The following GPX4 variants were observed in gnomAD, a reference collection of about 807,000 sequenced individuals.
The protein encoded by GPX4 is glutathione peroxidase 4, also known as phospholipid hydroperoxide glutathione peroxidase GPX4.
In GPX4, 28 loss-of-function variants were observed where a neutral mutation model predicts 27.8. The observed-to-expected ratio is 1.01, with a 90% CI of 0.75 to 1.38. GPX4 has a LOEUF of 1.38. Among genes scored for constraint, GPX4 ranks in the 40% most tolerant of loss-of-function variants. GPX4 has a pLI of 0.00. For synonymous variants in GPX4, 163 were observed against 107.8 expected, an observed-to-expected ratio of 1.51 and a Z score of -3.17; for missense variants, 357 against 274.1, an observed-to-expected ratio of 1.30 and a Z score of -2.14.
rs1040467710 is a variant in GPX4, at chr19:1,104,783, C to T, written c.85-403C>T. On this transcript the variant is annotated intron_variant, in intron 1 of 6. Transcript: ENST00000354171. Reference sequence around the variant, plus strand: ...CCCCGGGCGCCGCAGGCAGCGGTGCCAGAGCCGGGGCAGGCGGCGGCCGCG... The same window carrying T: ...CCCCGGGCGCCGCAGGCAGCGGTGCTAGAGCCGGGGCAGGCGGCGGCCGCG... The T allele has an allele frequency of 1.8e-5, 18 of 989,896 alleles. No individual in the cohort carries two copies. Among genetic ancestry groups the T allele is most frequent in the Middle Eastern group, 4.9e-4 (1 of 2,034 alleles). The allele number at this position is 989,896 out of a possible 1,614,324, so 61.3% of individuals were successfully genotyped here.
Position 1,105,214 on chromosome 19 carries a change from C to T in GPX4, c.113C>T (p.Ala38Val), listed in dbSNP as rs779416718. ...MCASRDDWRC[A>V]RSMHEFSAKD... Reference sequence around the variant, plus strand: ...GCGTCCCGGGACGACTGGCGCTGTGCGCGCTCCATGCACGAGTTTTCCGCC... The same window carrying T: ...GCGTCCCGGGACGACTGGCGCTGTGTGCGCTCCATGCACGAGTTTTCCGCC... Residue 38 changes from alanine (A) to valine (V), a missense_variant, in exon 2 of 7, where the codon GCG becomes GTG. Coordinates refer to ENST00000354171, the MANE Select transcript of GPX4 (RefSeq NM_002085.5). 3.7e-6 allele frequency: 6 copies of T among 1,612,966 alleles called. No individual in the cohort carries two copies. In the East Asian group the frequency reaches 1.1e-4, roughly 30 times the overall value.
At position 1,104,766 on chromosome 19, in the gene GPX4, G is replaced by A. The variant is rs889042141; in HGVS notation, c.85-420G>A. 8.1e-6 allele frequency: 8 copies of A among 986,962 alleles called. No individual in the cohort carries two copies. The African/African-American group carries it at 1.4e-4, about 17-fold the overall frequency. 61.1% of individuals were successfully genotyped at this position (986,962 alleles called of 1,614,324 possible). The stretch of plus-strand genomic sequence containing the variant: ...CGCGCGGGCGCAGGCTCCCCCGGGC[G>A]CCGCAGGCAGCGGTGCCAGAGCCGG... On this transcript the variant is annotated intron_variant, in intron 1 of 6. Coordinates refer to ENST00000354171, the MANE Select transcript of GPX4 (RefSeq NM_002085.5).
In GPX4 at chr19:1,105,407, G is replaced by C. The variant is rs1257403287; in HGVS notation, c.221G>C (p.Gly74Ala). 1 of 1,611,632 alleles carries C rather than the reference G, an allele frequency of 6.2e-7. No individual in the cohort carries two copies. Among genetic ancestry groups the C allele is most frequent in the Non-Finnish European group, 8.5e-7 (1 of 1,179,110 alleles). Residue 74 changes from glycine (G) to alanine (A), a missense_variant, in exon 3 of 7, where the codon GGC becomes GCC. Gly to Ala is a moderately conservative substitution (Grantham distance 60). Coordinates refer to ENST00000354171, the MANE Select transcript of GPX4 (RefSeq NM_002085.5). The stretch of plus-strand genomic sequence containing the variant: ...GTCACCAACGTGGCCTCCCAGTGAG[G>C]CAAGACCGAAGTAAACTACACTCAG... ...CIVTNVASQU[G>A]KTEVNYTQLV...
rs752733635 is a variant in GPX4, at chr19:1,106,542, G to T, written c.564G>T (p.Val188=). 1 of 1,613,334 alleles carries T rather than the reference G, an allele frequency of 6.2e-7. No individual in the cohort carries two copies. The highest frequency in any genetic ancestry group is 1.7e-5 in the Admixed American group (1 of 59,994). ...AACCCAGCTTTCCTCCCCGACAGGT[G>T]ATAGAGAAGGACCTGCCCCACTATT... ...KRYGPMEEPL[V]IEKDLPHYF is the part of the protein sequence containing the mutation. The change falls in exon 7 of 7, where the codon GTG becomes GTT. Residue 188 remains valine, a splice_region_variant and synonymous_variant. Transcript: ENST00000354171.
chr19:1,106,185 G>C, intron 4 of GPX4, 57 bp from the exon 5 acceptor site: 1 of 1,526,374 alleles, frequency 6.6e-7, no homozygotes. Flanking sequence ...AGACAGGACA[G>C]CTTGGGGACT....
At position 1,105,028 on chromosome 19, in the gene GPX4, A is replaced by AG. The variant is rs1353607521; in HGVS notation, c.85-153dup. ...CCGGTAAAACCGGACCAGAAGTACA[A>AG]GGGGGCGTGTGCGTTTAAGGAGGAG... On this transcript the variant is annotated intron_variant, in intron 1 of 6. Coordinates refer to ENST00000354171, the MANE Select transcript of GPX4 (RefSeq NM_002085.5). 1.3e-5 allele frequency: 19 copies of AG among 1,465,786 alleles called. No individual in the cohort carries two copies. In the African/African-American group the frequency reaches 1.7e-4, roughly 13 times the overall value. 90.8% of individuals were successfully genotyped at this position (1,465,786 alleles called of 1,614,324 possible).
At chr19:1,104,829 C>T in intron 1 of GPX4, 1 of 1,064,360 alleles carries the variant, frequency 9.4e-7, no homozygotes. Flanking sequence ...CGGCGGAAGG[C>T]CCCAGCGTGC....
intron 1 of GPX4, 92 bp from the exon 2 acceptor site, chr19:1,105,094 C>A: frequency 6.6e-7 from 1 of 1,509,068 alleles, no homozygotes; most frequent in East Asian, 2.4e-5. Flanking sequence ...TCGGTGTCCC[C>A]GCCACCGACC....
chr19:1,104,323 G>A (rs900152237), intron 1 of GPX4, 196 bp downstream of exon 1: 13 of 525,996 alleles, frequency 2.5e-5, no homozygotes, highest in Non-Finnish European at 3.8e-5. Context: ...GGCCCTCCAG[G>A]CCGTTGTAGG....
chr19:1,105,139 C>A, intron 1 of GPX4, 47 bp from the exon 2 acceptor site: 3 of 1,602,004 alleles, frequency 1.9e-6, no homozygotes, highest in Non-Finnish European at 2.6e-6. Context: ...GGGTCCCGGG[C>A]TCAGCCTCCC....
intron 1 of GPX4, 178 bp from the exon 2 acceptor site, chr19:1,105,008 A>T: frequency 6.8e-7 from 1 of 1,460,268 alleles, no homozygotes; most frequent in Non-Finnish European, 9.1e-7. Flanking sequence ...GGTCTCCGGT[A>T]AAACCGGACC....
chr19:1,105,532 G>A (rs1425439972), intron 3 of GPX4, 22 bp downstream of exon 3: 7 of 1,341,028 alleles, frequency 5.2e-6, no homozygotes, highest in Non-Finnish European at 7.2e-6. Context: ...CGTCCCCGGG[G>A]CCCGCAGAGG....
intron 4 of GPX4, 195 bp downstream of exon 4, chr19:1,106,004 G>A (rs1271615162): frequency 1.3e-6 from 1 of 759,976 alleles, no homozygotes; most frequent in East Asian, 2.7e-5. Flanking sequence ...GGCAGCCAGG[G>A]ATGCCCACAC....
intron 2 of GPX4, 26 bp downstream of exon 2, chr19:1,105,306 C>T (rs1393375428): frequency 1.2e-6 from 2 of 1,612,744 alleles, no homozygotes; most frequent in Non-Finnish European, 8.5e-7. Context: ...GGGTGGGGCG[C>T]GGGGTCGGGC....
rs377465360 is a variant in GPX4 at position 1,106,523 on chromosome 19, G to A, written c.562-17G>A. 1 of 1,612,666 alleles carries A rather than the reference G, an allele frequency of 6.2e-7. No individual in the cohort carries two copies. Among genetic ancestry groups the A allele is most frequent in the Non-Finnish European group, 8.5e-7 (1 of 1,179,340 alleles). On this transcript the variant is annotated splice_polypyrimidine_tract_variant and intron_variant, in intron 6 of 6. Transcript: ENST00000354171. ...CTTGGGAGGTAGCTGCCCTAACCCAGCTTTCCTCCCCGACAGGTGATAGAG... is the reference window on the plus strand; with the variant it reads ...CTTGGGAGGTAGCTGCCCTAACCCAACTTTCCTCCCCGACAGGTGATAGAG...
chr19:1,104,088 C>CTG lies in GPX4; in HGVS notation c.48_49dup (p.Gly17ValfsTer63). 3 of 1,513,058 alleles carry CTG rather than the reference C, an allele frequency of 2.0e-6. No individual in the cohort carries two copies. Among genetic ancestry groups the CTG allele is most frequent in the Non-Finnish European group, 1.8e-6 (2 of 1,137,568 alleles). The allele number at this position is 1,513,058 out of a possible 1,614,324, so 93.7% of individuals were successfully genotyped here. ...GCCGCCTACTGAAGCCGGCGCTGCT[C>CTG]TGTGGGGCTCTGGCCGCGCCTGGCC... is the stretch of plus-strand genomic sequence containing the variant. On this transcript the variant is annotated frameshift_variant, in exon 1 of 7. Transcript: ENST00000354171. LOFTEE classifies it high-confidence loss of function.
At chr19:1,104,781 G>A (rs2079627704) in intron 1 of GPX4, 5 of 989,566 alleles carry the variant, frequency 5.1e-6, no homozygotes, top group Non-Finnish European at 6.0e-6. Context: ...AGGCAGCGGT[G>A]CCAGAGCCGG....
chr19:1,105,548 G>A (rs561850729), intron 3 of GPX4, 38 bp downstream of exon 3: 2 of 1,607,464 alleles, frequency 1.2e-6, no homozygotes, highest in Admixed American at 3.3e-5. Flanking sequence ...AGAGGCGGGT[G>A]GGTGGGGGTC....
At position 1,105,496 on chromosome 19, in the gene GPX4, C is replaced by G; in HGVS notation, c.310C>G (p.Gln104Glu). ...GCGGATCCTGGCCTTCCCGTGTAACCAGTTCGGGAAGCAGGTGGGCTGCTG... is the reference window on the plus strand; with the variant it reads ...GCGGATCCTGGCCTTCCCGTGTAACGAGTTCGGGAAGCAGGTGGGCTGCTG... ...GLRILAFPCN[Q>E]FGKQEPGSNE... Residue 104 changes from glutamine (Q) to glutamate (E), a missense_variant, in exon 3 of 7, where the codon CAG becomes GAG. By Grantham distance (29) the Gln-to-Glu change is conservative. Coordinates refer to ENST00000354171, the MANE Select transcript of GPX4 (RefSeq NM_002085.5). 6.2e-7 allele frequency: 1 copy of G among 1,612,460 alleles called. No homozygotes were observed.
Sources: gnomAD v4.1 joint callset for allele counts on GRCh38, gnomAD v4.1.1 for gene constraint, MANE v1.5 for transcripts, NCBI Gene and HGNC (gene_info 2026-07-23, HGNC 2026-07-21) for gene names.